The following BMPER variants were observed in gnomAD, a reference collection of about 807,000 sequenced individuals.
The protein encoded by BMPER is BMP-binding endothelial regulator protein.
A neutral mutation model predicts 87.3 loss-of-function variants in BMPER; 45 were observed. The ratio of observed to expected loss-of-function variants is 0.52; its 90% CI spans 0.41 to 0.66. BMPER has a LOEUF of 0.66. BMPER is among the 30% of genes least tolerant of loss of function. The pLI is 0.00. For synonymous variants in BMPER, 326 were observed against 316.2 expected, an observed-to-expected ratio of 1.03 and a Z score of -0.33; for missense variants, 784 against 867.5, an observed-to-expected ratio of 0.90 and a Z score of 1.21.
At chr7:33,905,801 GAAAGGTGGCGCTGGCT>G in intron 1 of BMPER, 55 bp downstream of exon 1, 2 of 974,962 alleles carry the variant, frequency 2.1e-6, no homozygotes, top group Non-Finnish European at 3.0e-6. Flanking sequence ...TGGTACCTGG[GAAAGGTGGCGCTGGCT>G]TGCCCCGGGG....
rs193249637 is a variant in BMPER, at chr7:34,150,341, C to T, written c.1877-2751C>T. Reference sequence around the variant, plus strand: ...TAGAATTGCCAGTGTGGGGCAGGGTCGGAAGGAAAGGGAGAGTGTTTTGTT... The same window carrying T: ...TAGAATTGCCAGTGTGGGGCAGGGTTGGAAGGAAAGGGAGAGTGTTTTGTT... On this transcript the variant is annotated intron_variant, in intron 14 of 14. Coordinates refer to ENST00000649409, the MANE Select transcript of BMPER (RefSeq NM_001365308.1). Among the ~76,000 whole-genome samples, 11 of 152,024 alleles carry T rather than the reference C, an allele frequency of 7.2e-5. No homozygotes were observed. The East Asian group carries it at 1.5e-3, about 21-fold the overall frequency.
At chr7:34,103,247 G>A (rs576998736) in intron 13 of BMPER, among the ~76,000 whole-genome samples, 1 of 152,236 alleles carries the variant, frequency 6.6e-6, no homozygotes, top group South Asian at 2.1e-4. Flanking sequence ...AATGAGCTGT[G>A]CCCTTATTTT....
At chr7:34,104,513 G>GT (rs758005521) in intron 13 of BMPER, among the ~76,000 whole-genome samples, 109 of 151,974 alleles carry the variant, frequency 7.2e-4, no homozygotes, top group Non-Finnish European at 1.3e-3. Context: ...ATGTTCATGG[G>GT]TTTTTTTTGG....
At chr7:33,989,539 C>A (rs1056600835) in intron 6 of BMPER, among the ~76,000 whole-genome samples, 1 of 152,088 alleles carries the variant, frequency 6.6e-6, no homozygotes, top group Non-Finnish European at 1.5e-5. Flanking sequence ...GAGTAGGTTG[C>A]GAAATTTTTC....
chr7:34,130,579 A>G (rs893742863), intron 13 of BMPER, among the ~76,000 whole-genome samples: 7 of 152,362 alleles, frequency 4.6e-5, no homozygotes, highest in Non-Finnish European at 8.8e-5. Context: ...GGTTTTGAGC[A>G]TGTACCCTAG....
chr7:33,937,119 G>C (rs1192425257), intron 2 of BMPER, among the ~76,000 whole-genome samples, 170 bp from the exon 3 acceptor site: 1 of 152,174 alleles, frequency 6.6e-6, no homozygotes, highest in Non-Finnish European at 1.5e-5. Context: ...TGTGTTCCTG[G>C]ATGGGTATTT....
At chr7:33,905,307 C>T (rs1009564236), upstream of BMPER, among the ~76,000 whole-genome samples, 155 of 151,802 alleles carry the variant, frequency 1.0e-3, no homozygotes, top group Non-Finnish European at 1.2e-3. Flanking sequence ...TCCTGGCCCC[C>T]TCTCCGGCGC....
intron 13 of BMPER, among the ~76,000 whole-genome samples, chr7:34,126,912 T>C (rs915474601): frequency 3.9e-5 from 6 of 152,196 alleles, no homozygotes; most frequent in African/African-American, 1.2e-4. Flanking sequence ...CTAAGCAGCA[T>C]TATTAAGAGC....
At chr7:34,049,459 T>C (rs1044503479) in intron 7 of BMPER, among the ~76,000 whole-genome samples, 4 of 152,160 alleles carry the variant, frequency 2.6e-5, no homozygotes, top group African/African-American at 9.6e-5. Context: ...CATCCAGCCA[T>C]TCCTCCACCT....
At position 33,937,314 on chromosome 7, in the gene BMPER, A is replaced by AGG; in HGVS notation, c.246_247insGG (p.Lys83GlyfsTer118). On this transcript the variant is annotated frameshift_variant, in exon 3 of 15. Coordinates refer to ENST00000649409, the MANE Select transcript of BMPER (RefSeq NM_001365308.1). LOFTEE classifies it high-confidence loss of function. ...AACAAGGAAGTGACATGTAAGAGAG[A>AGG]GAAGTGCCCCGTGCTGTCCCGAGAC... 1 of 1,614,184 alleles carries AGG rather than the reference A, an allele frequency of 6.2e-7. No homozygotes were observed. Among genetic ancestry groups the AGG allele is most frequent in the Non-Finnish European group, 8.5e-7 (1 of 1,180,010 alleles).
intron 13 of BMPER, among the ~76,000 whole-genome samples, chr7:34,123,842 G>GT (rs1243712385): frequency 5.9e-5 from 9 of 152,034 alleles, no homozygotes; most frequent in African/African-American, 2.2e-4. Context: ...TTAGATTTTT[G>GT]TTTGTACTTA....
At chr7:34,005,925 A>T (rs1163473733) in intron 6 of BMPER, among the ~76,000 whole-genome samples, 4 of 152,050 alleles carry the variant, frequency 2.6e-5, no homozygotes, top group Non-Finnish European at 1.5e-5. Flanking sequence ...TAATATATTT[A>T]AAAAATATAC....
intron 14 of BMPER, 138 bp downstream of exon 14, chr7:34,143,498 G>A: frequency 1.5e-6 from 2 of 1,318,942 alleles, no homozygotes; most frequent in Non-Finnish European, 2.1e-6. Flanking sequence ...TAGCCCATCT[G>A]GATTGCTACT....
intron 14 of BMPER, among the ~76,000 whole-genome samples, chr7:34,151,178 G>A (rs181422062): frequency 6.6e-5 from 10 of 152,298 alleles, no homozygotes; most frequent in South Asian, 6.2e-4. Context: ...GGGTAAAGAG[G>A]GGGTAGAGGA....
intron 13 of BMPER, among the ~76,000 whole-genome samples, chr7:34,120,590 G>T (rs1199762180): frequency 1.3e-5 from 2 of 152,098 alleles, no homozygotes; most frequent in South Asian, 2.1e-4. Context: ...TAGAGATGAG[G>T]TTTCTCCGTA....
chr7:34,114,119 G>A (rs1355215884), intron 13 of BMPER, among the ~76,000 whole-genome samples: 1 of 152,166 alleles, frequency 6.6e-6, no homozygotes, highest in African/African-American at 2.4e-5. Flanking sequence ...GTGGCCATGT[G>A]TTTCACCCCC....
intron 5 of BMPER, among the ~76,000 whole-genome samples, chr7:33,971,020 C>G (rs561877939): frequency 6.6e-6 from 1 of 152,328 alleles, no homozygotes; most frequent in East Asian, 1.9e-4. Context: ...CCCTTACATA[C>G]AAGCCTGGGG....
At chr7:33,970,025 G>T (rs908925509) in intron 4 of BMPER, among the ~76,000 whole-genome samples, 2 of 152,188 alleles carry the variant, frequency 1.3e-5, no homozygotes, top group Non-Finnish European at 2.9e-5. Context: ...GCTAGATTCT[G>T]TTGGGTACTT....
At chr7:33,974,872 C>G (rs1200387382) in intron 6 of BMPER, 88 bp downstream of exon 6, 2 of 1,269,934 alleles carry the variant, frequency 1.6e-6, no homozygotes, top group Non-Finnish European at 2.3e-6. Flanking sequence ...TCTACAGCCT[C>G]TCTCTCGTCT....
Sources: allele counts gnomAD v4.1 joint callset (sites outside exome capture counted in the v4.1 genomes callset), GRCh38; gene constraint gnomAD v4.1.1; transcripts MANE v1.5; gene names NCBI Gene and HGNC (gene_info 2026-07-23, HGNC 2026-07-21).